Variants in NTRK3 observed in about 807,000 individuals in gnomAD.
The protein encoded by NTRK3 is neurotrophic receptor tyrosine kinase 3, also known as NT-3 growth factor receptor.
A neutral mutation model predicts 91.7 loss-of-function variants in NTRK3; 24 were observed. The ratio of observed to expected loss-of-function variants is 0.26; its 90% confidence interval spans 0.19 to 0.37. NTRK3 has a LOEUF of 0.37. NTRK3 is among the 10% of genes least tolerant of loss of function. NTRK3 has a pLI of 1.00. For synonymous variants in NTRK3, 483 were observed against 404.0 expected, an observed-to-expected ratio of 1.20 and a Z score of -2.34; for missense variants, 880 against 1,068.9, an observed-to-expected ratio of 0.82 and a Z score of 2.46.
chr15:88,182,508 A>T (rs561283154), intron 5 of NTRK3, among the ~76,000 whole-genome samples: 1 of 152,280 alleles, frequency 6.6e-6, no homozygotes, highest in Admixed American at 6.5e-5. Flanking sequence ...ACTAGCCCAT[A>T]GCACACCACT....
intron 13 of NTRK3, among the ~76,000 whole-genome samples, chr15:88,055,797 T>C (rs923460710): frequency 6.6e-6 from 1 of 152,138 alleles, no homozygotes. Context: ...AAGGAGGCAT[T>C]TAAACGGGGC....
At position 88,240,842 on chromosome 15, in the gene NTRK3, C is replaced by T. The variant is rs2052280042; in HGVS notation, c.248+15064G>A. Among the ~76,000 whole-genome samples, 3 of 152,248 alleles carry T rather than the reference C, an allele frequency of 2.0e-5. No homozygotes were observed. The highest frequency in any genetic ancestry group is 1.3e-4 in the Admixed American group (2 of 15,288). On this transcript the variant is annotated intron_variant, in intron 3 of 18. Transcript: ENST00000394480. This position sits in a 1 kb window ranked among gnomAD's most constrained non-coding sequence, Gnocchi z 4.9. ...GAGCTCAGTTTTCTCTAGAAGATTC[C>T]TCCAACGGGCTGCCCTGCTAAGGGC... is the stretch of plus-strand genomic sequence containing the variant.
intron 14 of NTRK3, chr15:87,946,369 AAC>A (rs2070502100): frequency 6.6e-6 from 1 of 152,224 alleles, no homozygotes; most frequent in South Asian, 2.1e-4. Flanking sequence ...GGTTATAAAT[AAC>A]AGTTATCCTG....
chr15:87,929,993 G>T (rs898283705), intron 16 of NTRK3, among the ~76,000 whole-genome samples: 2 of 152,166 alleles, frequency 1.3e-5, no homozygotes, highest in Admixed American at 1.3e-4. Context: ...GGGAGTGCTT[G>T]TTCCAAGATT....
chr15:88,108,076 A>G (rs2050904031), intron 13 of NTRK3, among the ~76,000 whole-genome samples: 1 of 152,192 alleles, frequency 6.6e-6, no homozygotes, highest in Admixed American at 6.5e-5. Flanking sequence ...GACACACAGT[A>G]TCAGGAAGAG....
chr15:88,007,539 G>C (rs1179294596), intron 14 of NTRK3, among the ~76,000 whole-genome samples: 1 of 152,204 alleles, frequency 6.6e-6, no homozygotes, highest in African/African-American at 2.4e-5. Context: ...ATAAGGGATG[G>C]ACAGGAGACT....
intron 14 of NTRK3, among the ~76,000 whole-genome samples, chr15:87,987,185 C>A (rs1052614985): frequency 6.6e-6 from 1 of 152,178 alleles, no homozygotes; most frequent in Non-Finnish European, 1.5e-5. Flanking sequence ...GAAGAGATCC[C>A]TAAATTTAGT....
intron 13 of NTRK3, among the ~76,000 whole-genome samples, chr15:88,112,414 G>T (rs1241641348): frequency 6.6e-6 from 1 of 152,228 alleles, no homozygotes; most frequent in African/African-American, 2.4e-5. Flanking sequence ...ATGAGCCCCA[G>T]AGGCTGAATT....
chr15:87,973,201 G>C (rs767309153), intron 14 of NTRK3, among the ~76,000 whole-genome samples: 46 of 152,204 alleles, frequency 3.0e-4, no homozygotes, highest in Admixed American at 5.2e-4. Flanking sequence ...AAATGAAAAG[G>C]GGCAAAAACA....
At chr15:88,203,098 C>T (rs1248322185) in intron 3 of NTRK3, among the ~76,000 whole-genome samples, 1 of 152,126 alleles carries the variant, frequency 6.6e-6, no homozygotes, top group Non-Finnish European at 1.5e-5. Flanking sequence ...CAGGAGCAGC[C>T]CTCCTAGCAA....
At chr15:88,200,221 C>G (rs934796605) in intron 3 of NTRK3, among the ~76,000 whole-genome samples, 3 of 152,234 alleles carry the variant, frequency 2.0e-5, no homozygotes, top group Non-Finnish European at 4.4e-5. Context: ...GGACTGGCCG[C>G]CAACCTAGAG....
chr15:88,171,347 G>A (rs533249339), intron 5 of NTRK3, among the ~76,000 whole-genome samples: 21 of 152,266 alleles, frequency 1.4e-4, no homozygotes, highest in African/African-American at 5.1e-4. Flanking sequence ...AAGGGTGCAT[G>A]TGTGTTGAGG....
exon 19 of NTRK3, chr15:87,873,454 G>A: frequency 4.3e-6 from 1 of 231,246 alleles, no homozygotes. Context: ...CCCAACAGCA[G>A]GTCACTCTCA....
chr15:88,138,106 T>C (rs1298727558), intron 6 of NTRK3, among the ~76,000 whole-genome samples: 1 of 151,772 alleles, frequency 6.6e-6, no homozygotes, highest in Non-Finnish European at 1.5e-5. Context: ...AGAGATCCTT[T>C]TAAAGAGATA....
chr15:87,948,098 A>AT (rs2070752045), intron 14 of NTRK3, among the ~76,000 whole-genome samples: 1 of 152,222 alleles, frequency 6.6e-6, no homozygotes, highest in South Asian at 2.1e-4. Flanking sequence ...AGCTAATTGC[A>AT]TAAGGTATTG....
intron 14 of NTRK3, among the ~76,000 whole-genome samples, chr15:87,947,884 C>G (rs947496990): frequency 2.6e-5 from 4 of 152,056 alleles, no homozygotes; most frequent in Non-Finnish European, 4.4e-5. Context: ...CTGGGAGCTC[C>G]AACTCTGGGT....
chr15:87,905,866 C>T (rs187743590), intron 17 of NTRK3, among the ~76,000 whole-genome samples: 36 of 152,254 alleles, frequency 2.4e-4, no homozygotes, highest in Admixed American at 2.0e-3. Flanking sequence ...CTCTCATGCC[C>T]CCAAAATTTC....
chr15:87,927,001 G>C (rs1289816183), intron 17 of NTRK3: 1 of 152,174 alleles, frequency 6.6e-6, no homozygotes, highest in African/African-American at 2.4e-5. Flanking sequence ...CCCCCTCTTA[G>C]TAACCACACC....
At position 88,183,577 on chromosome 15, in the gene NTRK3, G is replaced by T. The variant is rs971176970; in HGVS notation, c.324-88C>A. On this transcript the variant is annotated intron_variant, in intron 4 of 18. Coordinates refer to ENST00000394480, the Ensembl canonical transcript of NTRK3. ...TGAGGCTGGCAGGGGGTGAGGCTAA[G>T]GCTGGCCCTGCAGCCGCCCTGTGGA... 9 of 1,224,818 alleles carry T rather than the reference G, an allele frequency of 7.3e-6. No homozygotes were observed. The Admixed American group carries it at 1.0e-4, about 14-fold the overall frequency. The allele number at this position is 1,224,818 out of a possible 1,614,324, so 75.9% of individuals were successfully genotyped here.
Sources: allele counts gnomAD v4.1 joint callset (sites outside exome capture counted in the v4.1 genomes callset), GRCh38; gene constraint gnomAD v4.1.1; non-coding constraint Gnocchi (gnomAD v3.1); transcripts MANE v1.5; gene names NCBI Gene and HGNC (gene_info 2026-07-23, HGNC 2026-07-21).